The following PARD3B variants were observed in gnomAD, a reference collection of about 807,000 sequenced individuals.
PARD3B encodes the protein partitioning defective 3 homolog B.
In PARD3B, 103 loss-of-function variants were observed where a neutral mutation model predicts 130.2. The observed-to-expected ratio is 0.79, with a 90% CI of 0.67 to 0.93. The LOEUF (loss-of-function observed/expected upper bound fraction) is 0.93, where lower values mean the gene tolerates loss of function less well. PARD3B is among the 40% of genes least tolerant of loss of function. The probability of loss-of-function intolerance (pLI) is 0.00; values close to 1 mark genes in which losing one functional copy is unlikely to be tolerated. For missense variants in PARD3B, 1,609 were observed against 1,499.2 expected, an observed-to-expected ratio of 1.07 and a Z score of -1.21; for synonymous variants, 583 against 553.2, an observed-to-expected ratio of 1.05 and a Z score of -0.76.
At chr2:204,755,645 T>A (rs2040637371) in intron 2 of PARD3B, among the ~76,000 whole-genome samples, 1 of 152,178 alleles carries the variant, frequency 6.6e-6, no homozygotes, top group Non-Finnish European at 1.5e-5. Context: ...GTACAGAGAC[T>A]GAATCACAGT....
chr2:204,737,950 A>G (rs2039831602), intron 2 of PARD3B, among the ~76,000 whole-genome samples: 1 of 152,144 alleles, frequency 6.6e-6, no homozygotes, highest in Non-Finnish European at 1.5e-5. Flanking sequence ...TACCAGTACC[A>G]TGCTGTTTTG....
chr2:204,795,825 A>T (rs1403211371), intron 2 of PARD3B, among the ~76,000 whole-genome samples: 1 of 152,228 alleles, frequency 6.6e-6, no homozygotes, highest in Non-Finnish European at 1.5e-5. Context: ...AATCATTTTT[A>T]GTTTACTAAC....
rs1296106978 is a variant in PARD3B, at chr2:204,716,271, G to A, written c.222+29989G>A. 2.0e-5 allele frequency among the ~76,000 whole-genome samples: 3 copies of A among 152,164 alleles called. No homozygotes were observed. The East Asian group carries it at 5.8e-4, about 30-fold the overall frequency. On this transcript the variant is annotated intron_variant, in intron 2 of 22. Transcript: ENST00000406610. ...TAGTGCCTTGCTACTCAGAGTGTGG[G>A]CCACAGATCAGCAACATGAGCATCA...
At chr2:204,754,024 T>C (rs1424641175) in intron 2 of PARD3B, among the ~76,000 whole-genome samples, 1 of 152,212 alleles carries the variant, frequency 6.6e-6, no homozygotes, top group Non-Finnish European at 1.5e-5. Context: ...CCAGGCTGGC[T>C]GATGCAAGTG....
intron 3 of PARD3B, among the ~76,000 whole-genome samples, chr2:205,036,380 C>T (rs1415053761): frequency 5.2e-5 from 7 of 133,968 alleles, no homozygotes; most frequent in African/African-American, 1.1e-4. Context: ...ATATATATAG[C>T]AGACTATATA....
chr2:205,476,647 T>G (rs1333680572), intron 20 of PARD3B, among the ~76,000 whole-genome samples: 2 of 152,146 alleles, frequency 1.3e-5, no homozygotes, highest in African/African-American at 4.8e-5. Context: ...TTTGTTTGTT[T>G]GTTTTAGCAG....
intron 18 of PARD3B, among the ~76,000 whole-genome samples, chr2:205,357,057 G>T (rs955967458): frequency 6.6e-6 from 1 of 152,104 alleles, no homozygotes; most frequent in Admixed American, 6.6e-5. Flanking sequence ...CTCCACTGTG[G>T]TGTTTTCTGT....
chr2:204,683,097 T>C (rs1437751725), intron 1 of PARD3B, among the ~76,000 whole-genome samples: 1 of 152,198 alleles, frequency 6.6e-6, no homozygotes, highest in East Asian at 1.9e-4. Context: ...TTTAGTAGCA[T>C]TTAAATTAAC....
intron 10 of PARD3B, among the ~76,000 whole-genome samples, chr2:205,130,923 A>T (rs554289435): frequency 1.3e-5 from 2 of 152,288 alleles, no homozygotes; most frequent in East Asian, 3.9e-4. Context: ...ACAGTTGCTG[A>T]GCTTAGTGTA....
chr2:205,374,969 G>C (rs2044982071), intron 18 of PARD3B, among the ~76,000 whole-genome samples: 1 of 152,132 alleles, frequency 6.6e-6, no homozygotes, highest in African/African-American at 2.4e-5. Context: ...AAATTATTAT[G>C]ATACATTTAA....
At chr2:204,647,328 T>C (rs542287836) in intron 1 of PARD3B, among the ~76,000 whole-genome samples, 3 of 152,034 alleles carry the variant, frequency 2.0e-5, no homozygotes, top group Admixed American at 1.3e-4. Flanking sequence ...CCTTATATTC[T>C]GCATATCTGT....
intron 4 of PARD3B, among the ~76,000 whole-genome samples, chr2:205,054,795 G>A (rs772271013): frequency 7.2e-5 from 11 of 151,868 alleles, no homozygotes; most frequent in African/African-American, 1.2e-4. Flanking sequence ...TTACAACCTC[G>A]TTACAGAGAA....
chr2:205,372,407 C>A (rs2044857943), intron 18 of PARD3B, among the ~76,000 whole-genome samples: 1 of 152,130 alleles, frequency 6.6e-6, no homozygotes, highest in African/African-American at 2.4e-5. Context: ...ATTTGCATTT[C>A]TCTGGTGACT....
intron 2 of PARD3B, among the ~76,000 whole-genome samples, chr2:204,766,479 C>G (rs2041154215): frequency 6.6e-6 from 1 of 151,972 alleles, no homozygotes; most frequent in South Asian, 2.1e-4. Flanking sequence ...GTCATAAGTT[C>G]CTTTATATTT....
chr2:205,474,823 C>A (rs78481429), intron 20 of PARD3B, among the ~76,000 whole-genome samples: 1 of 151,972 alleles, frequency 6.6e-6, no homozygotes, highest in African/African-American at 2.4e-5. Flanking sequence ...CCTTCCTTTA[C>A]CCTTTACTAA....
At chr2:204,950,352 T>C (rs189168440) in intron 2 of PARD3B, among the ~76,000 whole-genome samples, 2 of 152,310 alleles carry the variant, frequency 1.3e-5, no homozygotes, top group Admixed American at 1.3e-4. Context: ...ATAGATGAAA[T>C]TGAAGCTCAG....
At chr2:204,565,789 T>TAA (rs747829495) in intron 1 of PARD3B, among the ~76,000 whole-genome samples, 1 of 152,132 alleles carries the variant, frequency 6.6e-6, no homozygotes, top group Non-Finnish European at 1.5e-5. Context: ...TGGTGCACCA[T>TAA]AAAAAAACCA....
At chr2:205,208,979 G>T (rs1392433689) in intron 15 of PARD3B, among the ~76,000 whole-genome samples, 1 of 126,780 alleles carries the variant, frequency 7.9e-6, no homozygotes, top group South Asian at 2.7e-4. Flanking sequence ...ATACTACAAG[G>T]CTACAGTAAC....
chr2:205,598,298 G>A (rs1470052378), intron 22 of PARD3B, among the ~76,000 whole-genome samples: 3 of 151,968 alleles, frequency 2.0e-5, no homozygotes. Flanking sequence ...AAAACAGAAA[G>A]GAGCAGGGGT....
Sources: gnomAD v4.1 joint callset for allele counts (sites outside exome capture counted in the v4.1 genomes callset) on GRCh38, gnomAD v4.1.1 for gene constraint, MANE v1.5 for transcripts, NCBI Gene and HGNC (gene_info 2026-07-23, HGNC 2026-07-21) for gene names.